The following RELN variants were observed in gnomAD, a reference collection of about 807,000 sequenced individuals.
RELN encodes reelin.
A neutral mutation model predicts 427.6 loss-of-function variants in RELN; 108 were observed. The ratio of observed to expected loss-of-function variants is 0.25; its 90% CI spans 0.22 to 0.30. The LOEUF (loss-of-function observed/expected upper bound fraction) is 0.30. RELN is among the 10% of genes least tolerant of loss of function. The pLI is 1.00. For synonymous variants in RELN, 1,524 were observed against 1,513.4 expected (o/e 1.01, Z -0.16); for missense variants, 3,715 against 4,302.8 (o/e 0.86, Z 3.82).
At chr7:103,719,180 C>CA (rs1790013307) in intron 8 of RELN, among the ~76,000 whole-genome samples, 1 of 152,158 alleles carries the variant, frequency 6.6e-6, no homozygotes, top group Non-Finnish European at 1.5e-5. Flanking sequence ...ACAGATTAGT[C>CA]TTCAGATAGA....
chr7:103,980,318 T>C (rs963288296), intron 1 of RELN, among the ~76,000 whole-genome samples: 1 of 152,128 alleles, frequency 6.6e-6, no homozygotes, highest in Non-Finnish European at 1.5e-5. Flanking sequence ...GGTGATTGCT[T>C]TGTGCTTTAC....
chr7:103,978,791 CT>C (rs1796932767), intron 1 of RELN, among the ~76,000 whole-genome samples: 1 of 152,140 alleles, frequency 6.6e-6, no homozygotes, highest in South Asian at 2.1e-4. Context: ...GCCTCAGTTT[CT>C]GTTAACAGTC....
chr7:103,576,485 G>A (rs1325274804), intron 28 of RELN, among the ~76,000 whole-genome samples: 1 of 152,062 alleles, frequency 6.6e-6, no homozygotes, highest in Non-Finnish European at 1.5e-5. Context: ...CTCACCTTCT[G>A]CTCTTTTAAT....
At chr7:103,557,323 G>A (rs1830547195) in intron 37 of RELN, among the ~76,000 whole-genome samples, 164 bp from the exon 38 acceptor site, 2 of 152,126 alleles carry the variant, frequency 1.3e-5, no homozygotes, top group Admixed American at 1.3e-4. Flanking sequence ...TGACAGGTTG[G>A]GCTTTCTGTA....
intron 61 of RELN, among the ~76,000 whole-genome samples, chr7:103,485,815 A>G (rs1828419414): frequency 6.6e-6 from 1 of 152,196 alleles, no homozygotes; most frequent in African/African-American, 2.4e-5. Context: ...AAATATAGGC[A>G]TATGTTTGCA....
chr7:103,559,155 A>G (rs1830587664), intron 36 of RELN, among the ~76,000 whole-genome samples: 1 of 152,218 alleles, frequency 6.6e-6, no homozygotes, highest in South Asian at 2.1e-4. Context: ...AGAGAGGGAA[A>G]GTAACTTTCT....
chr7:103,817,142 A>G (rs1260027141), intron 3 of RELN, among the ~76,000 whole-genome samples: 3 of 151,856 alleles, frequency 2.0e-5, no homozygotes, highest in Non-Finnish European at 4.4e-5. Flanking sequence ...ACGACCCACC[A>G]CGCTCAGCCC....
rs755646749 is a variant in RELN at position 103,775,216 on chromosome 7, A to G, written c.544+1341T>C. ...TGTGAGTAGTTTCATAGTCTGGAAGAAGATTTGTATTATGATCAAATTCTT... is the reference window on the plus strand; with the variant it reads ...TGTGAGTAGTTTCATAGTCTGGAAGGAGATTTGTATTATGATCAAATTCTT... On this transcript the variant is annotated intron_variant, in intron 4 of 64. Transcript: ENST00000428762. 7.8e-4 allele frequency among the ~76,000 whole-genome samples: 118 copies of G among 152,166 alleles called. 1 individual carries two copies. The highest frequency in any genetic ancestry group is 3.8e-4 in the Non-Finnish European group (26 of 67,992).
At chr7:103,720,525 G>A (rs1790049114) in intron 8 of RELN, among the ~76,000 whole-genome samples, 1 of 152,056 alleles carries the variant, frequency 6.6e-6, no homozygotes, top group African/African-American at 2.4e-5. Context: ...CCTAAGGAGT[G>A]ACACTAAAAC....
chr7:103,591,366 GTCAA>G (rs1196251903), intron 27 of RELN, among the ~76,000 whole-genome samples: 2 of 152,134 alleles, frequency 1.3e-5, no homozygotes, highest in East Asian at 1.9e-4. Context: ...AGCTCAGGAG[GTCAA>G]TCAGTTAATC....
chr7:103,589,699 C>T lies in RELN; in HGVS notation c.4042G>A (p.Glu1348Lys), dbSNP rs773149531. The change falls in exon 28 of 65, where the codon GAA becomes AAA. Residue 1348 changes from glutamate to lysine, a missense_variant. Physicochemically the swap from Glu to Lys is moderately conservative, Grantham distance 56. Coordinates refer to ENST00000428762, the MANE Select transcript of RELN (RefSeq NM_005045.4). ...CYPASAGKGC[E>K]GNSRELSEPT... is the part of the protein sequence containing the mutation. ...TCACTTAGTTCTCTGGAGTTTCCTT[C>T]GCATCCTTTGCCTGCAGAAGCCGGG... The T allele has an allele frequency of 9.3e-6, 15 of 1,613,970 alleles. No homozygotes were observed. The highest frequency in any genetic ancestry group is 8.3e-5 in the Admixed American group (5 of 60,006).
chr7:103,713,289 C>T (rs1053855922), intron 8 of RELN, among the ~76,000 whole-genome samples: 1 of 152,170 alleles, frequency 6.6e-6, no homozygotes, highest in African/African-American at 2.4e-5. Context: ...TAAACAACAG[C>T]ATTTGGTATA....
chr7:103,989,098 C>T lies in RELN; in HGVS notation c.226+33G>A, dbSNP rs776947708. 13 of 1,593,842 alleles carry T rather than the reference C, an allele frequency of 8.2e-6. No homozygotes were observed. Among genetic ancestry groups the T allele is most frequent in the Middle Eastern group, 1.8e-4 (1 of 5,542 alleles). On this transcript the variant is annotated intron_variant, in intron 1 of 64. Coordinates refer to ENST00000428762, the MANE Select transcript of RELN (RefSeq NM_005045.4). This position sits in a 1 kb window ranked among gnomAD's most constrained non-coding sequence, Gnocchi z 4.9. Reference sequence around the variant, plus strand: ...AAGGTGCGCTGGCGGGCGCACCCGGCGGCGGCGAGCGCGGAGGTGCTGCGG... The same window carrying T: ...AAGGTGCGCTGGCGGGCGCACCCGGTGGCGGCGAGCGCGGAGGTGCTGCGG...
chr7:103,964,987 A>G (rs571200389), intron 1 of RELN, among the ~76,000 whole-genome samples: 34 of 152,326 alleles, frequency 2.2e-4, no homozygotes, highest in Non-Finnish European at 4.6e-4. Context: ...ATGCTACCTC[A>G]CAGAATCATT....
chr7:103,651,919 T>C (rs892085643), intron 14 of RELN, 130 bp from the exon 15 acceptor site: 1 of 931,420 alleles, frequency 1.1e-6, no homozygotes, highest in Non-Finnish European at 1.7e-6. Flanking sequence ...AAAGATGCTG[T>C]TTCCTAAATG....
At chr7:103,845,338 C>T (rs1378940922) in intron 2 of RELN, among the ~76,000 whole-genome samples, 25 of 152,150 alleles carry the variant, frequency 1.6e-4, no homozygotes, top group Non-Finnish European at 2.5e-4. Flanking sequence ...TGCGTCACCA[C>T]GCCTGGCTAA....
intron 2 of RELN, among the ~76,000 whole-genome samples, chr7:103,861,575 G>A (rs1430091135): frequency 1.3e-5 from 2 of 152,092 alleles, no homozygotes; most frequent in African/African-American, 4.8e-5. Context: ...CTCACCAAAA[G>A]GAAAAACCTG....
At chr7:103,882,257 A>G (rs1249734731) in intron 2 of RELN, among the ~76,000 whole-genome samples, 1 of 152,154 alleles carries the variant, frequency 6.6e-6, no homozygotes, top group East Asian at 1.9e-4. Context: ...TTTCCTATAC[A>G]TATTTGCTCT....
chr7:103,831,058 A>G (rs1384974327), intron 3 of RELN, among the ~76,000 whole-genome samples: 1 of 152,168 alleles, frequency 6.6e-6, no homozygotes, highest in Admixed American at 6.6e-5. Context: ...ATAGAGTTTT[A>G]TATCTCAAAA....
Sources: allele counts gnomAD v4.1 joint callset (sites outside exome capture counted in the v4.1 genomes callset), GRCh38; gene constraint gnomAD v4.1.1; non-coding constraint Gnocchi (gnomAD v3.1); transcripts MANE v1.5; gene names NCBI Gene and HGNC (gene_info 2026-07-23, HGNC 2026-07-21).